The following DNER variants were observed in gnomAD, a reference collection of about 807,000 sequenced individuals.
The protein encoded by DNER is delta/notch like EGF repeat containing, also known as delta and Notch-like epidermal growth factor-related receptor.
A neutral mutation model predicts 78.2 loss-of-function variants in DNER; 33 were observed. The ratio of observed to expected loss-of-function variants is 0.42; its 90% CI spans 0.32 to 0.56. The LOEUF (loss-of-function observed/expected upper bound fraction) is 0.56, where lower values mean the gene tolerates loss of function less well. Among genes scored for constraint, DNER ranks in the 20% least tolerant of loss-of-function variants. The pLI, the probability that DNER is intolerant of heterozygous loss-of-function variation, is 0.11. For synonymous variants in DNER, 417 were observed against 384.8 expected (o/e 1.08, Z -0.98); for missense variants, 918 against 975.3 (o/e 0.94, Z 0.78).
At chr2:229,657,288 T>C (rs1338415097) in intron 1 of DNER, among the ~76,000 whole-genome samples, 1 of 152,212 alleles carries the variant, frequency 6.6e-6, no homozygotes, top group African/African-American at 2.4e-5. Context: ...TCCTCCAGGT[T>C]CATCCATGTG....
At chr2:229,714,067 G>A (rs1490961194) in intron 1 of DNER, 81 bp downstream of exon 1, 13 of 1,204,734 alleles carry the variant, frequency 1.1e-5, no homozygotes, top group South Asian at 3.4e-5. Context: ...GCCCATTGTC[G>A]GGCAGCAGCA....
chr2:229,646,211 T>A (rs1281127823), intron 1 of DNER, among the ~76,000 whole-genome samples: 2 of 152,204 alleles, frequency 1.3e-5, no homozygotes, highest in Non-Finnish European at 2.9e-5. Flanking sequence ...CCACTTCTAA[T>A]TTTAAGGCGT....
chr2:229,709,071 A>T (rs1699871419), intron 1 of DNER, among the ~76,000 whole-genome samples: 1 of 152,236 alleles, frequency 6.6e-6, no homozygotes, highest in East Asian at 1.9e-4. Context: ...TAGTAGAGAG[A>T]AAAAGCTGTG....
intron 6 of DNER, among the ~76,000 whole-genome samples, chr2:229,480,241 C>G (rs994130844): frequency 1.3e-5 from 2 of 152,182 alleles, no homozygotes; most frequent in African/African-American, 4.8e-5. Context: ...AGCATTTTGT[C>G]CGTTTAATTT....
intron 11 of DNER, among the ~76,000 whole-genome samples, chr2:229,371,917 T>C (rs1692491519): frequency 6.6e-6 from 1 of 152,232 alleles, no homozygotes; most frequent in Admixed American, 6.5e-5. Flanking sequence ...TTAAGACTAC[T>C]TGTTGCCTAG....
intron 7 of DNER, among the ~76,000 whole-genome samples, chr2:229,452,617 T>A (rs528958892): frequency 1.5e-3 from 227 of 152,044 alleles, no homozygotes; most frequent in Admixed American, 3.4e-3. Flanking sequence ...TATTTTATTA[T>A]TATTTTATTT....
intron 1 of DNER, among the ~76,000 whole-genome samples, chr2:229,624,496 T>TAAA (rs5839343): frequency 0.22 from 33,808 of 150,842 alleles, 4,244 homozygotes; most frequent in African/African-American, 0.32. Context: ...TATAATAAAC[T>TAAA]AAAAAAAAAA....
At chr2:229,543,583 C>G (rs1451522441) in intron 5 of DNER, among the ~76,000 whole-genome samples, 1 of 152,194 alleles carries the variant, frequency 6.6e-6, no homozygotes, top group Non-Finnish European at 1.5e-5. Context: ...CAGAGCTAAT[C>G]AGACCTCAAA....
chr2:229,667,006 T>C (rs1399515590), intron 1 of DNER, among the ~76,000 whole-genome samples: 1 of 151,908 alleles, frequency 6.6e-6, no homozygotes, highest in African/African-American at 2.4e-5. Context: ...AATAAAAGAG[T>C]CACCCCGGCA....
intron 1 of DNER, among the ~76,000 whole-genome samples, chr2:229,616,506 A>T (rs77081839): frequency 0.022 from 3,425 of 152,234 alleles, 130 homozygotes; most frequent in African/African-American, 0.07. Context: ...TTCTCAGCCA[A>T]CTCACAGACC....
intron 1 of DNER, among the ~76,000 whole-genome samples, chr2:229,693,619 G>A (rs749955727): frequency 1.2e-4 from 19 of 152,118 alleles, no homozygotes; most frequent in Non-Finnish European, 1.9e-4. Context: ...GGAACTTGTT[G>A]GAAACCAGAG....
intron 1 of DNER, among the ~76,000 whole-genome samples, chr2:229,647,361 A>T (rs1412477429): frequency 6.6e-6 from 1 of 152,234 alleles, no homozygotes; most frequent in East Asian, 1.9e-4. Flanking sequence ...ATCAGTTGAC[A>T]TGATTTTCAG....
At position 229,373,363 on chromosome 2, in the gene DNER, T is replaced by C. The variant is rs928073109; in HGVS notation, c.1856-6244A>G. 1.2e-3 allele frequency among the ~76,000 whole-genome samples: 184 copies of C among 152,066 alleles called. 1 individual carries two copies. The highest frequency in any genetic ancestry group is 1.0e-4 in the Non-Finnish European group (7 of 68,020). On this transcript the variant is annotated intron_variant, in intron 11 of 12. Coordinates refer to ENST00000341772, the MANE Select transcript of DNER (RefSeq NM_139072.4). ...AAAAAATGCTCAACATCACTAATTA[T>C]CAGAGAAATGCAAATCAAAACCACA...
intron 1 of DNER, among the ~76,000 whole-genome samples, chr2:229,634,336 G>A (rs1698492551): frequency 6.6e-6 from 1 of 151,862 alleles, no homozygotes; most frequent in East Asian, 1.9e-4. Flanking sequence ...ATTCTGTGAG[G>A]AGGAAATTGA....
chr2:229,668,629 T>A (rs1341273578), intron 1 of DNER, among the ~76,000 whole-genome samples: 1 of 143,940 alleles, frequency 6.9e-6, no homozygotes, highest in Non-Finnish European at 1.5e-5. Context: ...AAGCTCATCA[T>A]CACTGATCAT....
At chr2:229,530,045 A>G (rs967463626) in intron 5 of DNER, among the ~76,000 whole-genome samples, 1 of 152,130 alleles carries the variant, frequency 6.6e-6, no homozygotes, top group Middle Eastern at 3.2e-3. Context: ...GAAAAATGAA[A>G]AACACACTAA....
intron 1 of DNER, among the ~76,000 whole-genome samples, chr2:229,678,486 A>T (rs78056129): frequency 0.021 from 3,269 of 152,164 alleles, 105 homozygotes; most frequent in Middle Eastern, 0.065. Flanking sequence ...TGAAGTTATT[A>T]AAAAGGTGTC....
intron 4 of DNER, among the ~76,000 whole-genome samples, chr2:229,548,140 C>A (rs1696660460): frequency 6.6e-6 from 1 of 152,106 alleles, no homozygotes; most frequent in Non-Finnish European, 1.5e-5. Flanking sequence ...AAGGGGACTA[C>A]TAGGAGTCAG....
At chr2:229,560,307 G>A (rs193012317) in intron 4 of DNER, among the ~76,000 whole-genome samples, 1 of 152,278 alleles carries the variant, frequency 6.6e-6, no homozygotes, top group African/African-American at 2.4e-5. Flanking sequence ...ATAAATATTT[G>A]AGCAGTACGT....
Sources: allele counts gnomAD v4.1 joint callset (sites outside exome capture counted in the v4.1 genomes callset), GRCh38; gene constraint gnomAD v4.1.1; transcripts MANE v1.5; gene names NCBI Gene and HGNC (gene_info 2026-07-23, HGNC 2026-07-21).